The following MYH15 variants were observed in gnomAD, a reference collection of about 807,000 sequenced individuals.
The protein encoded by MYH15 is myosin heavy chain 15.
In MYH15, 227 loss-of-function variants were observed where a neutral mutation model predicts 240.5. That is an observed-to-expected ratio of 0.94 (90% CI 0.85 to 1.05). MYH15 has a LOEUF of 1.05. MYH15 is among the 50% of genes least tolerant of loss of function. MYH15 has a pLI of 0.00. For synonymous variants in MYH15, 785 were observed against 796.7 expected (o/e 0.99, Z 0.25); for missense variants, 2,217 against 2,247.5 (o/e 0.99, Z 0.27).
intron 11 of MYH15, among the ~76,000 whole-genome samples, chr3:108,480,136 C>CT (rs2083255285): frequency 6.6e-6 from 1 of 152,140 alleles, no homozygotes; most frequent in African/African-American, 2.4e-5. Flanking sequence ...ACACACAAAT[C>CT]GAGTATCACA....
chr3:108,505,744 A>G lies in MYH15; in HGVS notation c.174T>C (p.Ile58=). 6.2e-7 allele frequency: 1 copy of G among 1,611,828 alleles called. No individual in the cohort carries two copies. Among genetic ancestry groups the G allele is most frequent in the African/African-American group, 1.3e-5 (1 of 74,888 alleles). Residue 58 remains isoleucine, a synonymous_variant, in exon 2 of 41, where the codon ATT becomes ATC. Transcript: ENST00000693548. ...TTACCTCTCCATCTGCTGTCTCAACAATTACTGTTCCATCATCTTCACTCC... is the reference window on the plus strand; with the variant it reads ...TTACCTCTCCATCTGCTGTCTCAACGATTACTGTTCCATCATCTTCACTCC... ...VKGSEDDGTV[I]VETADGESLS...
At chr3:108,541,544 T>C in the MYH15 span, among the ~76,000 whole-genome samples, 1 of 151,870 alleles carries the variant, frequency 6.6e-6, no homozygotes, top group African/African-American at 2.4e-5. Flanking sequence ...AGGAAACAAA[T>C]AGTTTTTACA....
At position 108,501,813 on chromosome 3, in the gene MYH15, G is replaced by A; in HGVS notation, c.238C>T (p.Pro80Ser). 2.5e-6 allele frequency: 4 copies of A among 1,614,060 alleles called. No individual in the cohort carries two copies. Among genetic ancestry groups the A allele is most frequent in the Non-Finnish European group, 3.4e-6 (4 of 1,179,954 alleles). ...ATGTCTTCAATCATTTCAAACTCTG[G>A]AGGATTCATCTGCTGGATTTTGTCC... The part of the protein sequence containing the change: ...KEDKIQQMNP[P>S]EFEMIEDMAM... Residue 80 changes from proline to serine, a missense_variant, in exon 3 of 41, where the codon CCA (proline) becomes TCA (serine). Transcript: ENST00000693548.
intron 25 of MYH15, among the ~76,000 whole-genome samples, chr3:108,434,864 C>T (rs1472179936): frequency 6.6e-6 from 1 of 152,138 alleles, no homozygotes; most frequent in Non-Finnish European, 1.5e-5. Flanking sequence ...GAGATCATTG[C>T]TTCTCTACAT....
chr3:108,501,007 A>G (rs528807230), intron 3 of MYH15, among the ~76,000 whole-genome samples: 1 of 152,250 alleles, frequency 6.6e-6, no homozygotes, highest in East Asian at 1.9e-4. Flanking sequence ...ATTGGATTTG[A>G]TTTTGGACTT....
intron 1 of MYH15, among the ~76,000 whole-genome samples, chr3:108,521,697 G>A (rs571766030): frequency 1.3e-5 from 2 of 152,316 alleles, no homozygotes; most frequent in South Asian, 2.1e-4. Context: ...ATACAGGAAT[G>A]AGATTTAATT....
At chr3:108,486,330 T>G in intron 10 of MYH15, 93 bp downstream of exon 10, 1 of 1,036,854 alleles carries the variant, frequency 9.6e-7, no homozygotes, top group Non-Finnish European at 1.4e-6. Context: ...GCAAGACCAC[T>G]TCTCTGGGTC....
intron 12 of MYH15, among the ~76,000 whole-genome samples, chr3:108,472,987 AT>A (rs1157617720): frequency 4.6e-5 from 7 of 152,192 alleles, no homozygotes; most frequent in African/African-American, 1.4e-4. Context: ...CAGAAAAAAA[AT>A]AACAAAGTCA....
At chr3:108,417,180 C>T (rs2082641282) in intron 28 of MYH15, among the ~76,000 whole-genome samples, 1 of 152,010 alleles carries the variant, frequency 6.6e-6, no homozygotes, top group Admixed American at 6.6e-5. Context: ...ATATTAGTTA[C>T]CATTTATTGA....
At chr3:108,394,305 C>A (rs2082443180) in intron 35 of MYH15, 149 bp from the exon 36 acceptor site, 1 of 1,002,538 alleles carries the variant, frequency 1.0e-6, no homozygotes, top group South Asian at 1.7e-5. Context: ...TGCTCCCAAT[C>A]CCGAAAGGCT....
At position 108,470,794 on chromosome 3, in the gene MYH15, C is replaced by A. The variant is rs757272054; in HGVS notation, c.1287G>T (p.Lys429Asn). The A allele has an allele frequency of 2.5e-6, 4 of 1,613,888 alleles. No individual in the cohort carries two copies. Among genetic ancestry groups the A allele is most frequent in the Non-Finnish European group, 3.4e-6 (4 of 1,179,862 alleles). The change falls in exon 13 of 41, where the codon AAG becomes AAT. Residue 429 changes from lysine to asparagine, a missense_variant. Lys to Asn is a moderately conservative substitution (Grantham distance 94). Transcript: ENST00000693548. ...LSKSMYERMF[K>N]WLVARINRAL... Reference sequence around the variant, plus strand: ...CCCTGTTGATCCGTGCCACTAGCCACTTAAACATCCTTTCATACATTGACT... The same window carrying A: ...CCCTGTTGATCCGTGCCACTAGCCAATTAAACATCCTTTCATACATTGACT...
Position 108,505,757 on chromosome 3 carries a change from T to C in MYH15, c.161A>G (p.Asp54Gly). ...IEAEVKGSED[D>G]GTVIVETADG... Reference sequence around the variant, plus strand: ...TGCTGTCTCAACAATTACTGTTCCATCATCTTCACTCCCTTTTACCTCAGC... The same window carrying C: ...TGCTGTCTCAACAATTACTGTTCCACCATCTTCACTCCCTTTTACCTCAGC... Residue 54 changes from aspartate (D) to glycine (G), a missense_variant, in exon 2 of 41, where the codon GAT (aspartate) becomes GGT (glycine). By Grantham distance (94) the Asp-to-Gly change is moderately conservative. Coordinates refer to ENST00000693548, the MANE Select transcript of MYH15 (RefSeq NM_014981.3). 6.2e-7 allele frequency: 1 copy of C among 1,612,638 alleles called. No individual in the cohort carries two copies. Among genetic ancestry groups the C allele is most frequent in the Non-Finnish European group, 8.5e-7 (1 of 1,179,458 alleles).
At chr3:108,537,271 TGA>T in the MYH15 span, among the ~76,000 whole-genome samples, 1 of 152,226 alleles carries the variant, frequency 6.6e-6, no homozygotes. Flanking sequence ...CACACTCTCC[TGA>T]GAGGACACAC....
rs541389744 is a variant in MYH15 at position 108,447,048 on chromosome 3, C to T, written c.2400-2153G>A. The stretch of plus-strand genomic sequence containing the variant: ...AAATAAAAACCATAAAAAAGAACCA[C>T]ATAGAAATTCTGGAATTGAAGAACA... On this transcript the variant is annotated intron_variant, in intron 21 of 40. Coordinates refer to ENST00000693548, the MANE Select transcript of MYH15 (RefSeq NM_014981.3). Among the ~76,000 whole-genome samples the T allele has an allele frequency of 3.3e-5, 5 of 152,108 alleles. No individual in the cohort carries two copies. In the South Asian group the frequency reaches 1.0e-3, roughly 32 times the overall value.
At chr3:108,470,946 G>T in intron 12 of MYH15, 99 bp from the exon 13 acceptor site, 1 of 1,201,028 alleles carries the variant, frequency 8.3e-7, no homozygotes, top group Non-Finnish European at 1.2e-6. Flanking sequence ...AAATTAGGAT[G>T]TCTTTATTGA....
At chr3:108,432,142 T>C (rs1405335263) in intron 25 of MYH15, among the ~76,000 whole-genome samples, 1 of 152,184 alleles carries the variant, frequency 6.6e-6, no homozygotes, top group Non-Finnish European at 1.5e-5. Context: ...CACTGCAACC[T>C]CCACCTCCCA....
intron 1 of MYH15, among the ~76,000 whole-genome samples, chr3:108,519,089 C>G (rs1404155672): frequency 6.6e-6 from 1 of 152,116 alleles, no homozygotes. Flanking sequence ...TGGCTGAGCT[C>G]CAGCCAGCAA....
intron 35 of MYH15, among the ~76,000 whole-genome samples, chr3:108,395,773 G>A (rs898961323): frequency 6.6e-6 from 1 of 152,002 alleles, no homozygotes; most frequent in Non-Finnish European, 1.5e-5. Flanking sequence ...GTCCTAGGCT[G>A]GAGATCTGGA....
chr3:108,417,003 C>A, intron 28 of MYH15, 73 bp from the exon 29 acceptor site: 1 of 1,192,828 alleles, frequency 8.4e-7, no homozygotes, highest in Non-Finnish European at 1.2e-6. Context: ...GACTTACTGA[C>A]TTTAAGGGTA....
Sources: gnomAD v4.1 joint callset for allele counts (sites outside exome capture counted in the v4.1 genomes callset) on GRCh38, gnomAD v4.1.1 for gene constraint, MANE v1.5 for transcripts, NCBI Gene and HGNC (gene_info 2026-07-23, HGNC 2026-07-21) for gene names.